The following NAV2 variants were observed in gnomAD, a reference collection of about 807,000 sequenced individuals.
NAV2 encodes neuron navigator 2.
A neutral mutation model predicts 223.2 loss-of-function variants in NAV2; 54 were observed. The observed-to-expected ratio is 0.24, with a 90% CI of 0.19 to 0.30. The LOEUF (loss-of-function observed/expected upper bound fraction) is 0.30, where lower values mean the gene tolerates loss of function less well. NAV2 is among the 10% of genes least tolerant of loss of function. The pLI is 1.00. For synonymous variants in NAV2, 1,279 were observed against 1,239.3 expected (o/e 1.03, Z -0.67); for missense variants, 2,806 against 3,147.5 (o/e 0.89, Z 2.60).
At chr11:19,439,272 A>C (rs755044736) in intron 1 of NAV2, among the ~76,000 whole-genome samples, 2 of 152,160 alleles carry the variant, frequency 1.3e-5, no homozygotes, top group Non-Finnish European at 2.9e-5. Flanking sequence ...ATACCAGCTA[A>C]GTGGCAGTGA....
At chr11:19,558,636 G>A in intron 1 of NAV2, among the ~76,000 whole-genome samples, 1 of 152,232 alleles carries the variant, frequency 6.6e-6, no homozygotes, top group Middle Eastern at 3.2e-3. Flanking sequence ...CTTGTGAACA[G>A]CATGCAATTT....
chr11:19,441,282 G>T (rs1261843169), intron 1 of NAV2, among the ~76,000 whole-genome samples: 1 of 152,144 alleles, frequency 6.6e-6, no homozygotes, highest in Non-Finnish European at 1.5e-5. Context: ...TCCCCTACAA[G>T]GTCTCTCAGC....
chr11:19,953,972 A>G (rs2047615487), intron 10 of NAV2, among the ~76,000 whole-genome samples: 1 of 152,136 alleles, frequency 6.6e-6, no homozygotes, highest in Non-Finnish European at 1.5e-5. Flanking sequence ...GGTATTTAAT[A>G]TTTTGAGAAT....
intron 1 of NAV2, among the ~76,000 whole-genome samples, chr11:19,459,080 G>T (rs945343480): frequency 6.6e-6 from 1 of 152,220 alleles, no homozygotes; most frequent in Non-Finnish European, 1.5e-5. Flanking sequence ...AATGCTAAAG[G>T]CAGGGAAGAG....
At chr11:19,824,838 AT>A (rs2059565015) in intron 1 of NAV2, among the ~76,000 whole-genome samples, 1 of 152,224 alleles carries the variant, frequency 6.6e-6, no homozygotes, top group Non-Finnish European at 1.5e-5. Flanking sequence ...CAAATGGTGC[AT>A]TTCGATTTTC....
intron 1 of NAV2, among the ~76,000 whole-genome samples, chr11:19,605,267 C>T (rs1206343149): frequency 1.3e-5 from 2 of 152,112 alleles, no homozygotes; most frequent in African/African-American, 4.8e-5. Context: ...CATCCAGCTG[C>T]CCCTTCAACC....
At chr11:19,596,446 G>C (rs1357985587) in intron 1 of NAV2, among the ~76,000 whole-genome samples, 1 of 152,164 alleles carries the variant, frequency 6.6e-6, no homozygotes. Context: ...TCCCCACAAC[G>C]TTGTCATTTC....
At chr11:19,457,324 C>T (rs1486491486) in intron 1 of NAV2, among the ~76,000 whole-genome samples, 1 of 152,176 alleles carries the variant, frequency 6.6e-6, no homozygotes, top group African/African-American at 2.4e-5. Context: ...GGGAACACAT[C>T]TCTAACAAGG....
intron 1 of NAV2, among the ~76,000 whole-genome samples, chr11:19,652,155 C>T (rs1349936167): frequency 6.6e-6 from 1 of 152,122 alleles, no homozygotes; most frequent in Non-Finnish European, 1.5e-5. Context: ...TGCCACTTGT[C>T]CCCCTACAAT....
At chr11:19,419,892 C>T (rs1448829310) in intron 1 of NAV2, among the ~76,000 whole-genome samples, 1 of 152,168 alleles carries the variant, frequency 6.6e-6, no homozygotes, top group Non-Finnish European at 1.5e-5. Context: ...AGAATAATTC[C>T]TTCCTTGCCT....
chr11:19,948,985 G>A lies in NAV2; in HGVS notation c.2550G>A (p.Glu850=), dbSNP rs541156235. 2.5e-5 allele frequency: 40 copies of A among 1,613,934 alleles called. No homozygotes were observed. In the South Asian group the frequency reaches 4.1e-4, roughly 16 times the overall value. Residue 850 remains glutamate (E), a synonymous_variant, in exon 10 of 38, where the codon GAG becomes GAA. Coordinates refer to ENST00000349880, the MANE Select transcript of NAV2 (RefSeq NM_145117.5). The part of the protein sequence containing the change: ...HVDVSDKAGD[E]MDLEGISMDA... ...ACGTCTCAGACAAGGCAGGAGATGA[G>A]ATGGACCTGGAAGGCATCAGCATGG...
At chr11:19,767,248 A>G (rs1386679938) in intron 1 of NAV2, among the ~76,000 whole-genome samples, 1 of 152,208 alleles carries the variant, frequency 6.6e-6, no homozygotes, top group East Asian at 1.9e-4. Flanking sequence ...GTAGCTCTTG[A>G]TTGTAGTAAA....
chr11:19,780,687 G>A (rs1213664455), intron 1 of NAV2, among the ~76,000 whole-genome samples: 2 of 152,174 alleles, frequency 1.3e-5, no homozygotes, highest in Non-Finnish European at 2.9e-5. Flanking sequence ...TAAAAATTAG[G>A]GAAAAAAATG....
intron 11 of NAV2, among the ~76,000 whole-genome samples, chr11:19,999,934 C>G (rs1274890375): frequency 5.3e-5 from 8 of 152,128 alleles, no homozygotes; most frequent in East Asian, 3.9e-4. Context: ...TCTAAGATAC[C>G]TAAATCGGCC....
chr11:20,016,918 A>G lies in NAV2; in HGVS notation c.2769-19041A>G, dbSNP rs558821010. Reference sequence around the variant, plus strand: ...CTACTCAGGAGGCTGAGGCATGAGAATTGCATGAACCTGGGAGGTGGAGGT... The same window carrying G: ...CTACTCAGGAGGCTGAGGCATGAGAGTTGCATGAACCTGGGAGGTGGAGGT... On this transcript the variant is annotated intron_variant, in intron 11 of 37. Coordinates refer to ENST00000349880, the MANE Select transcript of NAV2 (RefSeq NM_145117.5). Among the ~76,000 whole-genome samples the G allele has an allele frequency of 1.4e-3, 220 of 152,268 alleles. 1 individual carries two copies. The highest frequency in any genetic ancestry group is 2.5e-3 in the Admixed American group (38 of 15,306).
At chr11:19,897,289 G>A (rs1408009150) in intron 6 of NAV2, among the ~76,000 whole-genome samples, 1 of 152,052 alleles carries the variant, frequency 6.6e-6, no homozygotes, top group Non-Finnish European at 1.5e-5. Flanking sequence ...GTTAAATGAC[G>A]AGTTACTGGG....
chr11:19,923,979 A>C (rs140763063), intron 6 of NAV2, among the ~76,000 whole-genome samples: 1 of 152,220 alleles, frequency 6.6e-6, no homozygotes, highest in Non-Finnish European at 1.5e-5. Flanking sequence ...TTTTAAAGGT[A>C]TCTTCCTTCA....
At chr11:19,913,723 C>T (rs2043516571) in intron 6 of NAV2, among the ~76,000 whole-genome samples, 1 of 152,180 alleles carries the variant, frequency 6.6e-6, no homozygotes, top group Non-Finnish European at 1.5e-5. Flanking sequence ...GAGTAGCAAT[C>T]ACGCACTCTG....
chr11:19,783,954 A>G (rs565548512), intron 1 of NAV2, among the ~76,000 whole-genome samples: 1 of 152,346 alleles, frequency 6.6e-6, no homozygotes, highest in East Asian at 1.9e-4. Flanking sequence ...TTTCATACCT[A>G]TATTTTACTG....
Sources: allele counts gnomAD v4.1 joint callset (sites outside exome capture counted in the v4.1 genomes callset), GRCh38; gene constraint gnomAD v4.1.1; transcripts MANE v1.5; gene names NCBI Gene and HGNC (gene_info 2026-07-23, HGNC 2026-07-21).